PHLDB2: variants seen among roughly 807,000 people sequenced by gnomAD.
PHLDB2 encodes the protein pleckstrin homology-like domain family B member 2.
PHLDB2 carries 71 observed loss-of-function variants against 123.6 expected under a neutral mutation model. The observed-to-expected ratio is 0.57, with a 90% CI of 0.47 to 0.70. PHLDB2 has a LOEUF of 0.70. Among genes scored for constraint, PHLDB2 ranks in the 30% least tolerant of loss-of-function variants. PHLDB2 has a pLI of 0.00. For missense variants in PHLDB2, 1,446 were observed against 1,519.5 expected (o/e 0.95, Z 0.80); for synonymous variants, 547 against 541.6 (o/e 1.01, Z -0.14).
upstream of PHLDB2, among the ~76,000 whole-genome samples, chr3:111,855,034 T>A (rs1258201154): frequency 6.6e-6 from 1 of 152,158 alleles, no homozygotes; most frequent in Non-Finnish European, 1.5e-5. Context: ...GTACAAATCT[T>A]AGAGTAATTC....
intron 1 of PHLDB2, among the ~76,000 whole-genome samples, chr3:111,861,225 ATTTG>A (rs1460245580): frequency 6.6e-6 from 1 of 152,220 alleles, no homozygotes; most frequent in Non-Finnish European, 1.5e-5. Context: ...TTGTGTAAAT[ATTTG>A]TTTGAATAAA....
intron 1 of PHLDB2, among the ~76,000 whole-genome samples, chr3:111,794,671 T>A (rs576408985): frequency 6.6e-6 from 1 of 152,364 alleles, no homozygotes; most frequent in East Asian, 1.9e-4. Flanking sequence ...TGGATTTCAC[T>A]GTGTCCTAAA....
At chr3:111,777,102 G>C (rs940480593) in intron 1 of PHLDB2, among the ~76,000 whole-genome samples, 1 of 152,038 alleles carries the variant, frequency 6.6e-6, no homozygotes, top group Non-Finnish European at 1.5e-5. Flanking sequence ...AGCATCATTT[G>C]CTGCAGGAAG....
upstream of PHLDB2, among the ~76,000 whole-genome samples, chr3:111,858,208 A>AAAACC (rs2064607851): frequency 6.6e-6 from 1 of 152,180 alleles, no homozygotes; most frequent in African/African-American, 2.4e-5. Flanking sequence ...ACAGGAACAG[A>AAAACC]AAACCAAACA....
intron 2 of PHLDB2, chr3:111,911,782 T>A (rs1018388303): frequency 2.1e-6 from 3 of 1,406,506 alleles, no homozygotes; most frequent in Middle Eastern, 1.8e-4. Flanking sequence ...TGCTCTTTTG[T>A]TTTTTTTGTT....
intron 1 of PHLDB2, among the ~76,000 whole-genome samples, chr3:111,839,417 G>A (rs1055552748): frequency 4.6e-5 from 7 of 152,018 alleles, no homozygotes; most frequent in East Asian, 3.8e-4. Flanking sequence ...ACAGTGATGC[G>A]CTCTCTGTTC....
At chr3:111,816,243 AG>A (rs532931553) in intron 1 of PHLDB2, among the ~76,000 whole-genome samples, 191 of 152,250 alleles carry the variant, frequency 1.3e-3, no homozygotes, top group Non-Finnish European at 1.1e-3. Flanking sequence ...TGCCTAGTGG[AG>A]CTGTGAGAAG....
At chr3:111,879,456 G>T (rs531175290) in intron 1 of PHLDB2, among the ~76,000 whole-genome samples, 16 of 152,216 alleles carry the variant, frequency 1.1e-4, no homozygotes, top group African/African-American at 3.6e-4. Context: ...CATTATGAAG[G>T]TCTTCATCCT....
At chr3:111,879,743 T>C (rs1310339777) in intron 1 of PHLDB2, among the ~76,000 whole-genome samples, 1 of 152,182 alleles carries the variant, frequency 6.6e-6, no homozygotes, top group African/African-American at 2.4e-5. Context: ...AGTGCCTGTA[T>C]CATAGAAGGG....
chr3:111,747,762 C>A (rs1316053701), intron 1 of PHLDB2, among the ~76,000 whole-genome samples: 1 of 152,200 alleles, frequency 6.6e-6, no homozygotes, highest in Non-Finnish European at 1.5e-5. Context: ...TGCATCAATA[C>A]CTTTATTTTT....
At chr3:111,870,864 C>T (rs150229010) in intron 1 of PHLDB2, among the ~76,000 whole-genome samples, 80 of 152,272 alleles carry the variant, frequency 5.3e-4, no homozygotes, top group Admixed American at 1.2e-3. Context: ...CACCAGTGTG[C>T]GGGGAGTGCT....
chr3:111,857,899 T>C (rs918639044), upstream of PHLDB2, among the ~76,000 whole-genome samples: 4 of 152,234 alleles, frequency 2.6e-5, no homozygotes, highest in African/African-American at 9.6e-5. Context: ...AGTGTGGCGA[T>C]TCCTCAGGGA....
chr3:111,939,879 C>G (rs766203870), intron 7 of PHLDB2, among the ~76,000 whole-genome samples: 5 of 152,184 alleles, frequency 3.3e-5, no homozygotes, highest in Non-Finnish European at 7.3e-5. Context: ...ATCAGGAATT[C>G]AGATATTGGT....
At chr3:111,974,090 T>C (rs2072401821) in intron 17 of PHLDB2, among the ~76,000 whole-genome samples, 1 of 152,088 alleles carries the variant, frequency 6.6e-6, no homozygotes, top group Non-Finnish European at 1.5e-5. Context: ...AGCTACCATA[T>C]AGTTAAGAGG....
intron 4 of PHLDB2, among the ~76,000 whole-genome samples, chr3:111,919,855 C>T (rs2068388150): frequency 6.6e-6 from 1 of 152,154 alleles, no homozygotes; most frequent in South Asian, 2.1e-4. Flanking sequence ...TGCGTAGAGA[C>T]GCTGGAAGCC....
intron 2 of PHLDB2, among the ~76,000 whole-genome samples, chr3:111,891,412 G>A (rs1046088419): frequency 2.0e-5 from 3 of 152,006 alleles, no homozygotes; most frequent in Admixed American, 1.3e-4. Context: ...AACTGCTCAT[G>A]TGAGGAATCT....
intron 1 of PHLDB2, among the ~76,000 whole-genome samples, chr3:111,746,434 G>T (rs759331076): frequency 6.6e-6 from 1 of 152,156 alleles, no homozygotes; most frequent in Non-Finnish European, 1.5e-5. Flanking sequence ...AATCTTACAT[G>T]AATAGGGTTC....
chr3:111,809,044 G>T (rs1464759655), intron 1 of PHLDB2, among the ~76,000 whole-genome samples: 1 of 152,166 alleles, frequency 6.6e-6, no homozygotes, highest in Non-Finnish European at 1.5e-5. Flanking sequence ...ATACTTTCCA[G>T]AAGGAACTGA....
intron 1 of PHLDB2, among the ~76,000 whole-genome samples, chr3:111,864,193 CT>C (rs993620266): frequency 1.8e-4 from 27 of 152,150 alleles, no homozygotes; most frequent in African/African-American, 6.5e-4. Context: ...CCCGCAGGTA[CT>C]ATGCAAAAGG....
Sources: allele counts gnomAD v4.1 joint callset (sites outside exome capture counted in the v4.1 genomes callset), GRCh38; gene constraint gnomAD v4.1.1; transcripts MANE v1.5; gene names NCBI Gene and HGNC (gene_info 2026-07-23, HGNC 2026-07-21).